COL4A5: variants seen among roughly 807,000 people sequenced by gnomAD.
COL4A5 encodes collagen type IV alpha 5 chain.
A neutral mutation model predicts 130.2 loss-of-function variants in COL4A5; 26 were observed. The ratio of observed to expected loss-of-function variants is 0.20; its 90% CI spans 0.15 to 0.28. The LOEUF (loss-of-function observed/expected upper bound fraction) is 0.28, where lower values mean the gene tolerates loss of function less well. Ranked by LOEUF, COL4A5 falls within the 10% of genes least tolerant of loss-of-function variation. COL4A5 has a pLI of 1.00. For missense variants in COL4A5, 1,131 were observed against 1,344.3 expected (o/e 0.84, Z 2.48); for synonymous variants, 496 against 439.6 (o/e 1.13, Z -1.60).
At chrX:108,459,096 G>A (rs1354270139) in intron 1 of COL4A5, among the ~76,000 whole-genome samples, 1 of 111,972 alleles carries the variant, frequency 8.9e-6, no homozygotes, top group Non-Finnish European at 1.9e-5. Flanking sequence ...TACTATAAAT[G>A]GTATCGTGTT....
At chrX:108,457,029 G>C (rs1342541739) in intron 1 of COL4A5, among the ~76,000 whole-genome samples, 1 of 111,516 alleles carries the variant, frequency 9.0e-6, no homozygotes, top group Non-Finnish European at 1.9e-5. Flanking sequence ...CCAAACAAAA[G>C]GCTCTGGCAG....
rs1296175326 is a variant in COL4A5 at position 108,655,579 on chromosome X, A to T, written c.3373+122A>T. On this transcript the variant is annotated intron_variant, in intron 37 of 52. Coordinates refer to ENST00000328300, the MANE Select transcript of COL4A5 (RefSeq NM_033380.3). ...TTTCCCAATCAGATACTGACTAGCA[A>T]CATAATCTCAAACTATCTCTTTACC... The T allele has an allele frequency of 3.7e-6, 3 of 812,442 alleles. No homozygotes were observed. In the African/African-American group the frequency reaches 6.1e-5, roughly 17 times the overall value. 67.0% of individuals were successfully genotyped at this position (812,442 alleles called of 1,213,427 possible).
intron 36 of COL4A5, among the ~76,000 whole-genome samples, chrX:108,643,165 G>C (rs1174319412): frequency 8.9e-6 from 1 of 111,898 alleles, no homozygotes; most frequent in African/African-American, 3.2e-5. Context: ...AAGAAATTCA[G>C]AGCTCAAAGA....
intron 1 of COL4A5, among the ~76,000 whole-genome samples, chrX:108,535,631 G>A (rs1362936427): frequency 9.0e-6 from 1 of 110,514 alleles, no homozygotes; most frequent in East Asian, 2.8e-4. Flanking sequence ...CCACCTCCCT[G>A]GGTGTGGGAT....
chrX:108,627,126 TAATC>T (rs2067168115), intron 36 of COL4A5: 4 of 680,639 alleles, frequency 5.9e-6, no homozygotes, highest in Non-Finnish European at 7.0e-6. Flanking sequence ...TATAAAGAGA[TAATC>T]AAGAGAAGTT....
intron 37 of COL4A5, among the ~76,000 whole-genome samples, chrX:108,659,524 T>C (rs1299462667): frequency 9.0e-6 from 1 of 110,842 alleles, no homozygotes; most frequent in Non-Finnish European, 1.9e-5. Flanking sequence ...GAGTTTTCTA[T>C]TTCTCCTTTT....
intron 36 of COL4A5, among the ~76,000 whole-genome samples, chrX:108,627,904 T>G (rs933060376): frequency 5.4e-5 from 6 of 111,163 alleles, no homozygotes; most frequent in Admixed American, 9.6e-5. Flanking sequence ...CATCTTATTA[T>G]GATGGAAAGC....
At chrX:108,460,573 T>C (rs1025899691) in intron 1 of COL4A5, among the ~76,000 whole-genome samples, 19 of 107,753 alleles carry the variant, frequency 1.8e-4, no homozygotes, top group African/African-American at 5.7e-4. Flanking sequence ...CACTGCAACC[T>C]CTGCCTCCCG....
intron 49 of COL4A5, among the ~76,000 whole-genome samples, chrX:108,691,014 C>T (rs2068632407): frequency 9.0e-6 from 1 of 111,043 alleles, no homozygotes; most frequent in African/African-American, 3.3e-5. Flanking sequence ...TTTGCAGCAA[C>T]ATGGTTGGAA....
chrX:108,653,068 T>G (rs1036858868), intron 36 of COL4A5, among the ~76,000 whole-genome samples: 1 of 112,155 alleles, frequency 8.9e-6, no homozygotes, highest in Non-Finnish European at 1.9e-5. Context: ...TTTCCTTTTT[T>G]GAAATTCATT....
At chrX:108,683,419 A>T (rs1242032358) in intron 47 of COL4A5, among the ~76,000 whole-genome samples, 2 of 111,448 alleles carry the variant, frequency 1.8e-5, no homozygotes, top group East Asian at 2.8e-4. Flanking sequence ...GTTTTTTTCT[A>T]ATTCTGTAAA....
At chrX:108,615,112 T>G in intron 30 of COL4A5, 88 bp downstream of exon 30, 1 of 671,377 alleles carries the variant, frequency 1.5e-6, no homozygotes, top group Non-Finnish European at 2.4e-6. Flanking sequence ...CAAAACAGTC[T>G]TCCAGAAGCA....
intron 4 of COL4A5, among the ~76,000 whole-genome samples, chrX:108,566,709 C>T (rs1349610342): frequency 9.1e-6 from 1 of 110,271 alleles, no homozygotes; most frequent in Non-Finnish European, 1.9e-5. Context: ...CCACAACGCC[C>T]GGCTAATTTT....
Position 108,674,747 on chromosome X carries a change from T to G in COL4A5, c.3802T>G (p.Phe1268Val). ...GPPGRPGPTG[F>V]QGLPGPEGPP... ...TTGGTGAACTCTGATCTTCCCAGGT[T>G]TTCAAGGTTAGACTCTTCACTGGTC... Residue 1268 changes from phenylalanine (F) to valine (V), a missense_variant and splice_region_variant, in exon 43 of 53, where the codon TTT becomes GTT. Coordinates refer to ENST00000328300, the MANE Select transcript of COL4A5 (RefSeq NM_033380.3). 8.3e-7 allele frequency: 1 copy of G among 1,206,489 alleles called. No homozygotes were observed. Among genetic ancestry groups the G allele is most frequent in the Non-Finnish European group, 1.1e-6 (1 of 893,299 alleles).
chrX:108,591,287 A>C (rs1330891133), intron 20 of COL4A5, 56 bp downstream of exon 20: 1 of 1,087,110 alleles, frequency 9.2e-7, no homozygotes, highest in East Asian at 3.0e-5. Context: ...TATTTTGTTT[A>C]TAAGTAACTC....
At chrX:108,539,258 C>T (rs1031330003) in intron 1 of COL4A5, among the ~76,000 whole-genome samples, 3 of 111,484 alleles carry the variant, frequency 2.7e-5, no homozygotes, top group African/African-American at 9.8e-5. Context: ...ATTTCTTTTC[C>T]ATTTTTAACA....
At chrX:108,571,491 G>T in intron 7 of COL4A5, 25 bp downstream of exon 7, 1 of 1,107,371 alleles carries the variant, frequency 9.0e-7, no homozygotes, top group Non-Finnish European at 1.2e-6. Context: ...TTGGGATTAT[G>T]ATGAACACAG....
At chrX:108,569,475 A>G (rs1483087950) in intron 6 of COL4A5, among the ~76,000 whole-genome samples, 1 of 111,657 alleles carries the variant, frequency 9.0e-6, no homozygotes, top group Admixed American at 9.5e-5. Flanking sequence ...AGAAAAAATG[A>G]GGAAAATTTG....
intron 22 of COL4A5, among the ~76,000 whole-genome samples, chrX:108,596,086 A>G (rs2066512212): frequency 9.0e-6 from 1 of 111,626 alleles, no homozygotes; most frequent in South Asian, 3.8e-4. Context: ...AGTCAAAACT[A>G]TATGTGATAT....
Sources: allele counts gnomAD v4.1 joint callset (sites outside exome capture counted in the v4.1 genomes callset), GRCh38; gene constraint gnomAD v4.1.1; transcripts MANE v1.5; gene names NCBI Gene and HGNC (gene_info 2026-07-23, HGNC 2026-07-21).